The following U2SURP variants were observed in gnomAD, a reference collection of about 807,000 sequenced individuals.
The protein encoded by U2SURP is U2 snRNP associated SURP domain containing.
A neutral mutation model predicts 144.9 loss-of-function variants in U2SURP; 9 were observed. The observed-to-expected ratio is 0.06, with a 90% CI of 0.04 to 0.11. The LOEUF (loss-of-function observed/expected upper bound fraction) is 0.11. U2SURP is among the 10% of genes least tolerant of loss of function. U2SURP has a pLI of 1.00. For synonymous variants in U2SURP, 408 were observed against 396.8 expected (o/e 1.03, Z -0.33); for missense variants, 724 against 1,226.7 (o/e 0.59, Z 6.12).
At chr3:143,008,840 A>G (rs557708173) in intron 1 of U2SURP, among the ~76,000 whole-genome samples, 1 of 152,348 alleles carries the variant, frequency 6.6e-6, no homozygotes, top group East Asian at 1.9e-4. Context: ...ATCTCAGCTC[A>G]CTGCAAGCTC....
intron 16 of U2SURP, among the ~76,000 whole-genome samples, chr3:143,032,223 C>T (rs1157165728): frequency 6.6e-6 from 1 of 152,118 alleles, no homozygotes; most frequent in African/African-American, 2.4e-5. Flanking sequence ...TAGGTGCCTG[C>T]CACTGCACTT....
intron 4 of U2SURP, 96 bp downstream of exon 4, chr3:143,014,505 C>T (rs1936264765): frequency 1.3e-6 from 1 of 746,110 alleles, no homozygotes; most frequent in Non-Finnish European, 2.0e-6. Flanking sequence ...AGATTCTTAA[C>T]CTCTAGGATA....
intron 25 of U2SURP, among the ~76,000 whole-genome samples, chr3:143,051,745 A>T (rs1367405559): frequency 6.6e-6 from 1 of 152,154 alleles, no homozygotes; most frequent in Non-Finnish European, 1.5e-5. Flanking sequence ...TGGTAAAGCA[A>T]CTGTGGTGCT....
At chr3:143,031,983 C>T (rs1933525988) in intron 16 of U2SURP, among the ~76,000 whole-genome samples, 2 of 152,178 alleles carry the variant, frequency 1.3e-5, no homozygotes, top group Admixed American at 1.3e-4. Flanking sequence ...AGTCAATTCC[C>T]TTCCCTACAT....
rs562736600 is a variant in U2SURP at position 143,051,621 on chromosome 3, A to G, written c.2655+572A>G. ...TCGTTGCAAAAAAAAAAAAAAAAAA[A>G]GAAAAACCAATAATAATGAGATTAT... On this transcript the variant is annotated intron_variant, in intron 25 of 27. Coordinates refer to ENST00000473835, the MANE Select transcript of U2SURP (RefSeq NM_001080415.2). Among the ~76,000 whole-genome samples, 6 of 150,518 alleles carry G rather than the reference A, an allele frequency of 4.0e-5. No homozygotes were observed. The South Asian group carries it at 1.0e-3, about 26-fold the overall frequency.
chr3:143,027,489 C>G (rs1362785502), intron 14 of U2SURP, among the ~76,000 whole-genome samples: 2 of 152,146 alleles, frequency 1.3e-5, no homozygotes, highest in Non-Finnish European at 2.9e-5. Context: ...CTTTCTGTCT[C>G]TTAGTAATTT....
chr3:143,037,312 A>T lies in U2SURP; in HGVS notation c.2198A>T (p.Asp733Val), dbSNP rs1311844347. 6.2e-7 allele frequency: 1 copy of T among 1,612,234 alleles called. No individual in the cohort carries two copies. The highest frequency in any genetic ancestry group is 1.3e-5 in the African/African-American group (1 of 74,878). ...DLDGVPIKSL[D>V]DDLDGVPLDA... Reference sequence around the variant, plus strand: ...GATGGAGTCCCTATAAAAAGTCTTGATGATGATCTTGATGGAGTGCCTTGT... The same window carrying T: ...GATGGAGTCCCTATAAAAAGTCTTGTTGATGATCTTGATGGAGTGCCTTGT... Residue 733 changes from aspartate to valine, a missense_variant, in exon 21 of 28, where the codon GAT becomes GTT. Asp to Val is a radical substitution (Grantham distance 152). Transcript: ENST00000473835.
At chr3:143,016,748 A>G (rs1936387289) in intron 5 of U2SURP, 94 bp from the exon 6 acceptor site, 2 of 1,138,912 alleles carry the variant, frequency 1.8e-6, no homozygotes, top group Non-Finnish European at 2.4e-6. Context: ...TCTTAATACT[A>G]AAAGCATTTT....
rs537450760 is a variant in U2SURP, at chr3:143,036,564, A to G, written c.2064+460A>G. On this transcript the variant is annotated intron_variant, in intron 20 of 27. Coordinates refer to ENST00000473835, the MANE Select transcript of U2SURP (RefSeq NM_001080415.2). ...ATGTTTAATTCTGCCATGCTAGTCA[A>G]GCTATTATGTTTTCACTTTCACTCC... Among the ~76,000 whole-genome samples, 16 of 152,216 alleles carry G rather than the reference A, an allele frequency of 1.1e-4. 1 individual carries two copies. In the East Asian group the frequency reaches 2.5e-3, roughly 24 times the overall value.
intron 6 of U2SURP, among the ~76,000 whole-genome samples, chr3:143,017,541 T>G (rs1428424788): frequency 2.6e-5 from 4 of 152,124 alleles, no homozygotes; most frequent in South Asian, 2.1e-4. Context: ...CTGGTTTTTT[T>G]TGTGTGGCTT....
intron 25 of U2SURP, 75 bp from the exon 26 acceptor site, chr3:143,053,601 G>C (rs1934997936): frequency 1.0e-6 from 1 of 952,448 alleles, no homozygotes; most frequent in African/African-American, 1.7e-5. Flanking sequence ...TGTAAGAGAA[G>C]ATATTGTTCT....
At chr3:143,055,209 T>G (rs569531101) in intron 27 of U2SURP, 90 bp downstream of exon 27, 12 of 1,210,126 alleles carry the variant, frequency 9.9e-6, no homozygotes, top group Non-Finnish European at 1.4e-5. Context: ...GGCATACATT[T>G]TTTTTTTTTT....
intron 4 of U2SURP, among the ~76,000 whole-genome samples, chr3:143,015,773 T>A (rs1318269833): frequency 1.3e-5 from 2 of 152,036 alleles, no homozygotes; most frequent in Non-Finnish European, 2.9e-5. Context: ...ATTGAAAATA[T>A]CAAGATTCTT....
At chr3:143,033,088 A>G in intron 17 of U2SURP, 142 bp downstream of exon 17, 2 of 1,015,862 alleles carry the variant, frequency 2.0e-6, no homozygotes, top group Non-Finnish European at 2.8e-6. Context: ...ATTTAGGTTC[A>G]TTAACATACA....
intron 20 of U2SURP, among the ~76,000 whole-genome samples, chr3:143,036,346 A>C (rs1353494237): frequency 6.7e-6 from 1 of 149,208 alleles, no homozygotes; most frequent in African/African-American, 2.5e-5. Flanking sequence ...ATGATATAAG[A>C]GTTATGATAT....
intron 13 of U2SURP, chr3:143,024,612 G>C: frequency 2.8e-6 from 1 of 356,714 alleles, no homozygotes; most frequent in Non-Finnish European, 5.4e-6. Context: ...TATTAAAGCA[G>C]AAGAATTCAT....
At chr3:143,002,018 G>A (rs1241176171) in intron 1 of U2SURP, among the ~76,000 whole-genome samples, 1 of 152,234 alleles carries the variant, frequency 6.6e-6, no homozygotes, top group East Asian at 1.9e-4. Flanking sequence ...GCCAGACAGC[G>A]CCTGGGAGAG....
intron 13 of U2SURP, chr3:143,025,654 G>T (rs1374417615): frequency 1.3e-5 from 2 of 152,112 alleles, no homozygotes; most frequent in Non-Finnish European, 2.9e-5. Context: ...CTGTGAAAGA[G>T]AAATAATTTT....
intron 16 of U2SURP, among the ~76,000 whole-genome samples, chr3:143,029,187 T>TCCTGTATA (rs1248493627): frequency 6.6e-6 from 1 of 152,184 alleles, no homozygotes; most frequent in Non-Finnish European, 1.5e-5. Flanking sequence ...TCAGAGGACA[T>TCCTGTATA]CCTGTATACC....
Sources: allele counts gnomAD v4.1 joint callset (sites outside exome capture counted in the v4.1 genomes callset), GRCh38; gene constraint gnomAD v4.1.1; transcripts MANE v1.5; gene names NCBI Gene and HGNC (gene_info 2026-07-23, HGNC 2026-07-21).